RBM19: variants seen among roughly 807,000 people sequenced by gnomAD.
The protein encoded by RBM19 is RNA binding motif protein 19, also known as probable RNA-binding protein 19.
Under a neutral mutation model 116.8 loss-of-function variants are expected in RBM19, and 94 were observed. That is an observed-to-expected ratio of 0.80 (90% CI 0.68 to 0.95). The LOEUF is 0.95. Among genes scored for constraint, RBM19 ranks in the 40% least tolerant of loss-of-function variants. RBM19 has a pLI of 0.00. For missense variants in RBM19, 1,161 were observed against 1,220.7 expected, an observed-to-expected ratio of 0.95 and a Z score of 0.73; for synonymous variants, 475 against 494.1, an observed-to-expected ratio of 0.96 and a Z score of 0.51.
chr12:113,929,650 A>C (rs191252053), intron 16 of RBM19, among the ~76,000 whole-genome samples: 1 of 152,342 alleles, frequency 6.6e-6, no homozygotes, highest in East Asian at 1.9e-4. Context: ...GCAGTGAATG[A>C]TATTTCCACC....
At chr12:113,859,138 T>C (rs868642458) in intron 21 of RBM19, among the ~76,000 whole-genome samples, 17 of 152,244 alleles carry the variant, frequency 1.1e-4, no homozygotes, top group Middle Eastern at 3.4e-3. Flanking sequence ...GAATTTTTAG[T>C]TCCTCTGCAA....
chr12:113,934,255 G>A (rs1053243388), intron 16 of RBM19, among the ~76,000 whole-genome samples: 5 of 152,214 alleles, frequency 3.3e-5, no homozygotes, highest in East Asian at 3.9e-4. Flanking sequence ...CAACAGCAGC[G>A]GAAGACTGGT....
intron 21 of RBM19, among the ~76,000 whole-genome samples, chr12:113,893,790 C>A (rs991067830): frequency 2.0e-5 from 3 of 152,232 alleles, no homozygotes; most frequent in African/African-American, 7.2e-5. Flanking sequence ...GTTTTTGGCT[C>A]TTTCAATTGA....
intron 21 of RBM19, among the ~76,000 whole-genome samples, chr12:113,862,636 G>C (rs10850228): frequency 0.18 from 26,651 of 152,112 alleles, 3,017 homozygotes; most frequent in East Asian, 0.47. Flanking sequence ...GCTGAGGCCA[G>C]TGTTGGGGCG....
At chr12:113,843,883 T>C (rs1876718079) in intron 23 of RBM19, among the ~76,000 whole-genome samples, 2 of 152,240 alleles carry the variant, frequency 1.3e-5, no homozygotes, top group African/African-American at 4.8e-5. Context: ...GTCCTCCCTG[T>C]TTCTCACACA....
At chr12:113,862,171 C>T (rs1245557640) in intron 21 of RBM19, among the ~76,000 whole-genome samples, 2 of 152,174 alleles carry the variant, frequency 1.3e-5, no homozygotes, top group East Asian at 1.9e-4. Flanking sequence ...CCATCATTTC[C>T]GCTACCAATG....
At chr12:113,942,173 G>A in intron 14 of RBM19, 151 bp downstream of exon 14, 1 of 720,796 alleles carries the variant, frequency 1.4e-6, no homozygotes, top group East Asian at 2.7e-5. Context: ...CTCAGCCCAT[G>A]TAACATTTCT....
At chr12:113,888,516 C>T (rs763997201) in intron 21 of RBM19, among the ~76,000 whole-genome samples, 6 of 152,154 alleles carry the variant, frequency 3.9e-5, no homozygotes, top group South Asian at 2.1e-4. Flanking sequence ...TGACAATTTC[C>T]GTATATTGTA....
chr12:113,950,643 G>A (rs1468491066), intron 8 of RBM19, among the ~76,000 whole-genome samples: 4 of 150,530 alleles, frequency 2.7e-5, no homozygotes, highest in African/African-American at 1.0e-4. Flanking sequence ...TGACCTCTTT[G>A]GGCCTCAAAC....
chr12:113,951,951 G>C (rs1871507116), intron 8 of RBM19, among the ~76,000 whole-genome samples: 1 of 152,208 alleles, frequency 6.6e-6, no homozygotes, highest in Non-Finnish European at 1.5e-5. Context: ...GTCAGCTGCT[G>C]AATCTCCCAG....
intron 13 of RBM19, among the ~76,000 whole-genome samples, chr12:113,944,116 T>TG (rs1870818552): frequency 4.3e-4 from 42 of 98,266 alleles, no homozygotes; most frequent in Non-Finnish European, 6.7e-4. Context: ...TTTTTTTTTT[T>TG]TGGGGCAGAC....
intron 20 of RBM19, among the ~76,000 whole-genome samples, chr12:113,916,660 C>T (rs934768602): frequency 1.3e-5 from 2 of 152,144 alleles, no homozygotes; most frequent in African/African-American, 2.4e-5. Flanking sequence ...TGGAGAGACC[C>T]GCTGCCATGC....
downstream of RBM19, among the ~76,000 whole-genome samples, chr12:113,821,654 C>T (rs1874423084): frequency 6.6e-6 from 1 of 152,186 alleles, no homozygotes; most frequent in Non-Finnish European, 1.5e-5. Flanking sequence ...TGATGGCTCA[C>T]ACCTGTAATT....
intron 10 of RBM19, 129 bp downstream of exon 10, chr12:113,948,704 A>T: frequency 1.1e-6 from 1 of 905,534 alleles, no homozygotes; most frequent in Non-Finnish European, 1.7e-6. Context: ...GTCCCATTTT[A>T]CAGATGAGAA....
chr12:113,927,591 C>CAAAAA (rs764020256), intron 16 of RBM19, among the ~76,000 whole-genome samples: 1 of 63,060 alleles, frequency 1.6e-5, no homozygotes. Context: ...CCTCAAAAAA[C>CAAAAA]AAAAAAAAAA....
intron 5 of RBM19, among the ~76,000 whole-genome samples, chr12:113,958,421 G>C (rs769518425): frequency 6.6e-6 from 1 of 152,038 alleles, no homozygotes; most frequent in Non-Finnish European, 1.5e-5. Flanking sequence ...TCCTCATCAG[G>C]GCTGGCTGCG....
chr12:113,879,249 G>A (rs538113817), intron 21 of RBM19, among the ~76,000 whole-genome samples: 6 of 152,150 alleles, frequency 3.9e-5, no homozygotes, highest in Admixed American at 1.3e-4. Context: ...TGCATGTTAT[G>A]TTCATTGCAG....
Position 113,962,346 on chromosome 12 carries a change from G to C in RBM19, c.105C>G (p.Phe35Leu). 6.2e-7 allele frequency: 1 copy of C among 1,614,242 alleles called. No individual in the cohort carries two copies. The highest frequency in any genetic ancestry group is 8.5e-7 in the Non-Finnish European group (1 of 1,180,034). Residue 35 changes from phenylalanine (F) to leucine (L), a missense_variant, in exon 2 of 24, where the codon TTC becomes TTG. Transcript: ENST00000261741. ...ACTTGCGGAACTTGCCATCTTTGGTGAACTTCAGGCTGCAGTCTGTCAGCG... is the reference window on the plus strand; with the variant it reads ...ACTTGCGGAACTTGCCATCTTTGGTCAACTTCAGGCTGCAGTCTGTCAGCG... The part of the protein sequence containing the change: ...FGTLTDCSLK[F>L]TKDGKFRKFG...
chr12:113,918,337 C>A, intron 20 of RBM19, 55 bp downstream of exon 20: 1 of 1,590,930 alleles, frequency 6.3e-7, no homozygotes, highest in Non-Finnish European at 8.6e-7. Context: ...TGGCCGGCAC[C>A]AAGCACAGGA....
Sources: gnomAD v4.1 joint callset for allele counts (sites outside exome capture counted in the v4.1 genomes callset) on GRCh38, gnomAD v4.1.1 for gene constraint, MANE v1.5 for transcripts, NCBI Gene and HGNC (gene_info 2026-07-23, HGNC 2026-07-21) for gene names.